Variants in ARHGAP42 observed in about 807,000 individuals in gnomAD.
ARHGAP42 encodes the protein rho GTPase-activating protein 42.
In ARHGAP42, 63 loss-of-function variants were observed where a neutral mutation model predicts 125.0. The ratio of observed to expected loss-of-function variants is 0.50; its 90% CI spans 0.41 to 0.62. The LOEUF (loss-of-function observed/expected upper bound fraction) is 0.62. ARHGAP42 is among the 20% of genes least tolerant of loss of function. ARHGAP42 has a pLI of 0.00. For synonymous variants in ARHGAP42, 339 were observed against 351.0 expected (o/e 0.97, Z 0.38); for missense variants, 766 against 1,024.2 (o/e 0.75, Z 3.44).
intron 4 of ARHGAP42, among the ~76,000 whole-genome samples, chr11:100,872,092 T>C (rs1314195198): frequency 1.3e-5 from 2 of 152,226 alleles, no homozygotes; most frequent in African/African-American, 4.8e-5. Flanking sequence ...CTAACTCTTG[T>C]TCTCTATAGA....
intron 22 of ARHGAP42, among the ~76,000 whole-genome samples, chr11:100,987,190 A>C (rs1254432918): frequency 6.6e-6 from 1 of 152,204 alleles, no homozygotes; most frequent in Non-Finnish European, 1.5e-5. Flanking sequence ...CTGTAAAAAC[A>C]GCCTATTTAG....
chr11:100,836,492 A>G (rs1441277083), intron 3 of ARHGAP42, among the ~76,000 whole-genome samples: 1 of 152,126 alleles, frequency 6.6e-6, no homozygotes, highest in Non-Finnish European at 1.5e-5. Flanking sequence ...TATAGGAGAA[A>G]TATGAAGTGT....
At chr11:100,983,058 A>G (rs1858582740) in intron 22 of ARHGAP42, among the ~76,000 whole-genome samples, 1 of 152,212 alleles carries the variant, frequency 6.6e-6, no homozygotes, top group Admixed American at 6.5e-5. Flanking sequence ...GAAAACTGTT[A>G]AAATTTGGTG....
chr11:100,961,730 C>A lies in ARHGAP42; in HGVS notation c.1347C>A (p.Asp449Glu), dbSNP rs1166601063. 6.4e-7 allele frequency: 1 copy of A among 1,551,534 alleles called. No individual in the cohort carries two copies. Among genetic ancestry groups the A allele is most frequent in the Non-Finnish European group, 8.7e-7 (1 of 1,146,844 alleles). Residue 449 changes from aspartate (D) to glutamate (E), a missense_variant, in exon 15 of 24, where the codon GAC becomes GAA. Coordinates refer to ENST00000298815, the MANE Select transcript of ARHGAP42 (RefSeq NM_152432.4). The stretch of plus-strand genomic sequence containing the variant: ...TTGATATTGATATTGAACTGTGGGA[C>A]AATAAGACGATAACAAGTGGGCTGA... ...PDIDIDIELW[D>E]NKTITSGLKN...
At chr11:100,916,743 T>G (rs1867076781) in intron 5 of ARHGAP42, among the ~76,000 whole-genome samples, 1 of 152,144 alleles carries the variant, frequency 6.6e-6, no homozygotes, top group Admixed American at 6.6e-5. Flanking sequence ...CCAAAGAAAT[T>G]ATCAGAGATG....
chr11:100,954,916 G>T (rs1324988358), intron 12 of ARHGAP42, among the ~76,000 whole-genome samples: 1 of 152,096 alleles, frequency 6.6e-6, no homozygotes, highest in Non-Finnish European at 1.5e-5. Context: ...TGTGATAAGG[G>T]ACCTTTTAAT....
At chr11:100,915,118 A>G (rs1591291861) in intron 5 of ARHGAP42, among the ~76,000 whole-genome samples, 2 of 152,272 alleles carry the variant, frequency 1.3e-5, no homozygotes, top group East Asian at 1.9e-4. Flanking sequence ...AAAGATTTTG[A>G]TGCTAAACTG....
intron 5 of ARHGAP42, among the ~76,000 whole-genome samples, chr11:100,915,374 C>A (rs1234306377): frequency 6.6e-6 from 1 of 152,102 alleles, no homozygotes; most frequent in Non-Finnish European, 1.5e-5. Flanking sequence ...TAATTATCAC[C>A]AGTACATCAT....
intron 1 of ARHGAP42, among the ~76,000 whole-genome samples, chr11:100,749,564 T>G (rs1197949880): frequency 6.6e-6 from 1 of 152,164 alleles, no homozygotes; most frequent in Non-Finnish European, 1.5e-5. Flanking sequence ...GTTTCCTCCC[T>G]TTCCCCCTCT....
chr11:100,715,292 C>T (rs1021909194), intron 1 of ARHGAP42, among the ~76,000 whole-genome samples: 1 of 151,882 alleles, frequency 6.6e-6, no homozygotes, highest in Non-Finnish European at 1.5e-5. Flanking sequence ...AGGAACTATC[C>T]AGAACAGCCC....
chr11:100,754,595 G>T (rs922887758), intron 1 of ARHGAP42, among the ~76,000 whole-genome samples: 1 of 152,168 alleles, frequency 6.6e-6, no homozygotes, highest in Non-Finnish European at 1.5e-5. Context: ...AAATGTATAA[G>T]TAGAAAACAT....
intron 1 of ARHGAP42, among the ~76,000 whole-genome samples, chr11:100,727,113 A>AT (rs1861875441): frequency 6.6e-6 from 1 of 152,198 alleles, no homozygotes; most frequent in African/African-American, 2.4e-5. Context: ...CTATGAAGAA[A>AT]TTATTATTGT....
chr11:100,988,487 G>T (rs1312635297), intron 23 of ARHGAP42, among the ~76,000 whole-genome samples: 1 of 152,106 alleles, frequency 6.6e-6, no homozygotes, highest in Non-Finnish European at 1.5e-5. Context: ...ATCTAGAAAT[G>T]ATTTAAAGCA....
In ARHGAP42 at chr11:100,848,407, G is replaced by A. The variant is rs899253074; in HGVS notation, c.313-11147G>A. 2.6e-5 allele frequency among the ~76,000 whole-genome samples: 4 copies of A among 152,152 alleles called. No individual in the cohort carries two copies. In the East Asian group the frequency reaches 7.7e-4, roughly 29 times the overall value. On this transcript the variant is annotated intron_variant, in intron 3 of 23. Coordinates refer to ENST00000298815, the MANE Select transcript of ARHGAP42 (RefSeq NM_152432.4). ...TGTTAGGATTCTGTGTTTGGGGACC[G>A]GGTTAACATGGAGATAAGGAGAGTT...
intron 1 of ARHGAP42, among the ~76,000 whole-genome samples, chr11:100,706,525 G>T (rs76324758): frequency 1.3e-5 from 2 of 152,122 alleles, no homozygotes; most frequent in Non-Finnish European, 2.9e-5. Flanking sequence ...ATTAGAGTAG[G>T]CTTATTCAGG....
At chr11:100,910,779 T>G (rs1866890684) in intron 4 of ARHGAP42, among the ~76,000 whole-genome samples, 1 of 151,896 alleles carries the variant, frequency 6.6e-6, no homozygotes, top group South Asian at 2.1e-4. Flanking sequence ...GGCCTAGTCT[T>G]TTATCTCAGC....
At position 100,977,831 on chromosome 11, in the gene ARHGAP42, C is replaced by T. The variant is rs1293121630; in HGVS notation, c.2393+860C>T. ...CAATTCTGTGCTCCTTCTGTTTTAC[C>T]TTCTCCATTTTTAATATGATGGCAT... On this transcript the variant is annotated intron_variant, in intron 21 of 23. Coordinates refer to ENST00000298815, the MANE Select transcript of ARHGAP42 (RefSeq NM_152432.4). Among the ~76,000 whole-genome samples, 3 of 152,118 alleles carry T rather than the reference C, an allele frequency of 2.0e-5. 1 individual carries two copies. The highest frequency in any genetic ancestry group is 4.4e-5 in the Non-Finnish European group (3 of 68,024).
chr11:100,940,520 G>C (rs1029591135), intron 8 of ARHGAP42, among the ~76,000 whole-genome samples: 1 of 152,088 alleles, frequency 6.6e-6, no homozygotes, highest in Non-Finnish European at 1.5e-5. Flanking sequence ...TGCATTCTAC[G>C]CCCTGATAAA....
chr11:100,875,101 C>CTT (rs1865784617), intron 4 of ARHGAP42, among the ~76,000 whole-genome samples: 1 of 93,408 alleles, frequency 1.1e-5, no homozygotes, highest in Non-Finnish European at 2.3e-5. Context: ...CTCTCTCTCT[C>CTT]TCTCTCTGTG....
Sources: gnomAD v4.1 joint callset for allele counts (sites outside exome capture counted in the v4.1 genomes callset) on GRCh38, gnomAD v4.1.1 for gene constraint, MANE v1.5 for transcripts, NCBI Gene and HGNC (gene_info 2026-07-23, HGNC 2026-07-21) for gene names.